MFSD11: variants seen among roughly 807,000 people sequenced by gnomAD.
MFSD11 encodes major facilitator superfamily domain containing 11.
A neutral mutation model predicts 53.5 loss-of-function variants in MFSD11; 36 were observed. The observed-to-expected ratio is 0.67, with a 90% confidence interval of 0.52 to 0.89. The LOEUF (loss-of-function observed/expected upper bound fraction) is 0.89. MFSD11 is among the 40% of genes least tolerant of loss of function. The probability of loss-of-function intolerance (pLI) is 0.00; values close to 1 mark genes in which losing one functional copy is unlikely to be tolerated. For synonymous variants in MFSD11, 186 were observed against 184.9 expected (o/e 1.01, Z -0.05); for missense variants, 530 against 543.9 (o/e 0.97, Z 0.25).
At chr17:76,739,867 A>T (rs1044257920) in intron 2 of MFSD11, among the ~76,000 whole-genome samples, 1 of 152,172 alleles carries the variant, frequency 6.6e-6, no homozygotes, top group East Asian at 1.9e-4. Flanking sequence ...CTTCATGTGT[A>T]TTCTAAAGAA....
upstream of MFSD11, chr17:76,737,450 G>C (rs1598438073): frequency 2.6e-6 from 1 of 389,612 alleles, no homozygotes; most frequent in Non-Finnish European, 4.6e-6. Context: ...CGACCCTGCC[G>C]CGCGCCCCGC....
chr17:76,794,850 G>A, the MFSD11 span, among the ~76,000 whole-genome samples: 2 of 150,904 alleles, frequency 1.3e-5, no homozygotes, highest in African/African-American at 4.9e-5. Flanking sequence ...CCGTCACCAT[G>A]CCCAGCTAAT....
intron 5 of MFSD11, among the ~76,000 whole-genome samples, chr17:76,742,804 T>G (rs941399484): frequency 7.2e-5 from 11 of 152,174 alleles, no homozygotes; most frequent in African/African-American, 2.4e-4. Flanking sequence ...GTGCCTGGCC[T>G]TAACATTTTT....
At chr17:76,741,859 C>T (rs1668167646) in intron 3 of MFSD11, 110 bp from the exon 4 acceptor site, 4 of 1,529,798 alleles carry the variant, frequency 2.6e-6, no homozygotes, top group Admixed American at 2.0e-5. Flanking sequence ...CGATCCTTTA[C>T]AGGTTGAGTT....
chr17:76,753,982 G>T, intron 7 of MFSD11, 65 bp from the exon 8 acceptor site: 1 of 1,342,606 alleles, frequency 7.4e-7, no homozygotes, highest in South Asian at 1.2e-5. Flanking sequence ...ATGAAAATGT[G>T]ATCGTATGTT....
At chr17:76,741,151 C>T (rs1827177697) in intron 3 of MFSD11, 87 bp downstream of exon 3, 1 of 904,524 alleles carries the variant, frequency 1.1e-6, no homozygotes, top group South Asian at 1.4e-5. Context: ...AATTTATAGA[C>T]TTGGACTGAA....
At chr17:76,747,319 G>C (rs999008965) in intron 7 of MFSD11, among the ~76,000 whole-genome samples, 48 of 151,398 alleles carry the variant, frequency 3.2e-4, no homozygotes, top group African/African-American at 1.1e-3. Flanking sequence ...TTTGAGACCA[G>C]ACGGGGCAAC....
At chr17:76,799,834 T>C in the MFSD11 span, among the ~76,000 whole-genome samples, 1 of 152,156 alleles carries the variant, frequency 6.6e-6, no homozygotes, top group East Asian at 1.9e-4. Context: ...TCCAGCATGT[T>C]TTATTATCTG....
chr17:76,794,841 C>T, the MFSD11 span, among the ~76,000 whole-genome samples: 8 of 150,994 alleles, frequency 5.3e-5, no homozygotes, highest in Non-Finnish European at 8.8e-5. Flanking sequence ...TACAGGTGCC[C>T]GTCACCATGC....
At chr17:76,736,643 G>A (rs2077502443), upstream of MFSD11, 1 of 1,170,702 alleles carries the variant, frequency 8.5e-7, no homozygotes, top group Admixed American at 4.2e-5. Context: ...CGCAGACGGC[G>A]GAAGCTCGCG....
At chr17:76,796,069 C>G in the MFSD11 span, among the ~76,000 whole-genome samples, 1 of 152,118 alleles carries the variant, frequency 6.6e-6, no homozygotes, top group Admixed American at 6.6e-5. Context: ...ACTCTAAAAC[C>G]ATGCCAGTCT....
intron 7 of MFSD11, among the ~76,000 whole-genome samples, chr17:76,749,030 G>A (rs574098787): frequency 2.1e-4 from 32 of 152,314 alleles, no homozygotes; most frequent in Non-Finnish European, 4.6e-4. Context: ...TGGTGACAGA[G>A]AGAAAAGAAA....
the MFSD11 span, among the ~76,000 whole-genome samples, chr17:76,794,032 C>G: frequency 2.6e-5 from 4 of 151,370 alleles, no homozygotes; most frequent in Admixed American, 2.6e-4. Flanking sequence ...AATGCAGCAG[C>G]CTTGCTGACA....
chr17:76,739,294 C>T (rs1190365534), intron 2 of MFSD11, among the ~76,000 whole-genome samples: 1 of 151,832 alleles, frequency 6.6e-6, no homozygotes, highest in Non-Finnish European at 1.5e-5. Context: ...TGGCACAGTG[C>T]ATGGCATTGA....
chr17:76,737,799 C>T (rs1051081640), upstream of MFSD11: 8 of 161,608 alleles, frequency 5.0e-5, no homozygotes, highest in Non-Finnish European at 9.5e-5. Flanking sequence ...CCCGTCCAGC[C>T]GTTCCTGACT....
intron 7 of MFSD11, among the ~76,000 whole-genome samples, chr17:76,751,252 T>A (rs569153929): frequency 3.6e-4 from 55 of 151,460 alleles, no homozygotes; most frequent in African/African-American, 1.3e-3. Context: ...TAGCCAGGCG[T>A]AGTGGCAGGC....
At chr17:76,801,710 G>A in the MFSD11 span, among the ~76,000 whole-genome samples, 9 of 152,222 alleles carry the variant, frequency 5.9e-5, no homozygotes, top group East Asian at 1.7e-3. Flanking sequence ...CTCCCAAAGT[G>A]CTGGGATTAC....
At chr17:76,777,515 ATG>A (rs2144945817) in intron 12 of MFSD11, among the ~76,000 whole-genome samples, 2 of 152,218 alleles carry the variant, frequency 1.3e-5, no homozygotes, top group East Asian at 3.9e-4. Context: ...GATTATAAAC[ATG>A]AGCCACCGCC....
downstream of MFSD11, among the ~76,000 whole-genome samples, chr17:76,783,370 G>A (rs964079417): frequency 5.3e-5 from 8 of 152,130 alleles, no homozygotes; most frequent in African/African-American, 1.2e-4. Flanking sequence ...CTTGAGCAAC[G>A]TTTATTGAAC....
Sources: gnomAD v4.1 joint callset for allele counts (sites outside exome capture counted in the v4.1 genomes callset) on GRCh38, gnomAD v4.1.1 for gene constraint, MANE v1.5 for transcripts, NCBI Gene and HGNC (gene_info 2026-07-23, HGNC 2026-07-21) for gene names.